The following TENM3 variants were observed in gnomAD, a reference collection of about 807,000 sequenced individuals.
TENM3 encodes the protein teneurin transmembrane protein 3.
A neutral mutation model predicts 255.1 loss-of-function variants in TENM3; 63 were observed. The observed-to-expected ratio is 0.25, with a 90% confidence interval of 0.20 to 0.30. TENM3 has a LOEUF of 0.30. Among genes scored for constraint, TENM3 ranks in the 10% least tolerant of loss-of-function variants. TENM3 has a pLI of 1.00. For missense variants in TENM3, 2,929 were observed against 3,461.1 expected (o/e 0.85, Z 3.86); for synonymous variants, 1,306 against 1,322.3 (o/e 0.99, Z 0.27).
chr4:182,267,593 A>G (rs1759323695), intron 1 of TENM3, among the ~76,000 whole-genome samples: 1 of 152,166 alleles, frequency 6.6e-6, no homozygotes, highest in South Asian at 2.1e-4. Flanking sequence ...TTGGGACTTC[A>G]AGAGAAAAGA....
chr4:182,622,157 C>G (rs1445718205), intron 4 of TENM3, among the ~76,000 whole-genome samples: 2 of 151,846 alleles, frequency 1.3e-5, no homozygotes, highest in Non-Finnish European at 2.9e-5. Context: ...GTCAGGAGTT[C>G]GAGACCAGCC....
At chr4:181,801,905 T>C in the TENM3 span, among the ~76,000 whole-genome samples, 1 of 152,022 alleles carries the variant, frequency 6.6e-6, no homozygotes, top group Non-Finnish European at 1.5e-5. Flanking sequence ...TTGAACTTTG[T>C]CCTTGTTCAT....
the TENM3 span, among the ~76,000 whole-genome samples, chr4:182,062,692 C>T: frequency 6.6e-6 from 1 of 152,182 alleles, no homozygotes; most frequent in Non-Finnish European, 1.5e-5. Flanking sequence ...GGTGTTTAGA[C>T]ACATTCTCAG....
At chr4:182,473,289 A>G (rs958483676) in intron 3 of TENM3, among the ~76,000 whole-genome samples, 3 of 152,248 alleles carry the variant, frequency 2.0e-5, no homozygotes, top group African/African-American at 7.2e-5. Flanking sequence ...AATTTCAGAA[A>G]CAAATGCTCT....
the TENM3 span, among the ~76,000 whole-genome samples, chr4:181,469,885 T>A: frequency 2.0e-5 from 3 of 152,042 alleles, no homozygotes; most frequent in African/African-American, 7.2e-5. Flanking sequence ...CCAGAGTCAT[T>A]TTATGTACAG....
At chr4:182,560,028 C>T (rs1742988563) in intron 3 of TENM3, among the ~76,000 whole-genome samples, 1 of 151,168 alleles carries the variant, frequency 6.6e-6, no homozygotes, top group Non-Finnish European at 1.5e-5. Flanking sequence ...TCATGTACCC[C>T]ACAAATATAT....
the TENM3 span, among the ~76,000 whole-genome samples, chr4:181,461,837 A>G: frequency 1.3e-5 from 2 of 152,044 alleles, no homozygotes; most frequent in African/African-American, 4.8e-5. Context: ...ATCCTCTCTC[A>G]TGTCTAAATC....
intron 1 of TENM3, among the ~76,000 whole-genome samples, chr4:182,204,753 T>C (rs938548583): frequency 6.6e-6 from 1 of 152,194 alleles, no homozygotes; most frequent in African/African-American, 2.4e-5. Context: ...TTAAATTCAT[T>C]TTCATGAAAA....
the TENM3 span, among the ~76,000 whole-genome samples, chr4:181,662,673 G>A: frequency 6.6e-6 from 1 of 152,126 alleles, no homozygotes; most frequent in Non-Finnish European, 1.5e-5. Context: ...TGAACCATAT[G>A]TGTCTCATGT....
intron 1 of TENM3, among the ~76,000 whole-genome samples, chr4:182,155,474 C>T (rs1019563924): frequency 3.9e-5 from 6 of 151,960 alleles, no homozygotes; most frequent in Non-Finnish European, 8.8e-5. Context: ...AAATTATTTT[C>T]TGTTCTTCAG....
chr4:181,903,389 G>A, the TENM3 span, among the ~76,000 whole-genome samples: 4 of 152,186 alleles, frequency 2.6e-5, no homozygotes, highest in Non-Finnish European at 5.9e-5. Flanking sequence ...TGCTCTGTAA[G>A]AGTCTGCATT....
the TENM3 span, among the ~76,000 whole-genome samples, chr4:182,026,311 A>C: frequency 6.6e-6 from 1 of 152,116 alleles, no homozygotes; most frequent in Admixed American, 6.6e-5. Context: ...TTGGATTGTT[A>C]GATTTTTTTC....
chr4:181,619,976 C>T, the TENM3 span, among the ~76,000 whole-genome samples: 1 of 152,144 alleles, frequency 6.6e-6, no homozygotes, highest in Non-Finnish European at 1.5e-5. Context: ...GTGTAACAAA[C>T]TATATTTTTT....
intron 1 of TENM3, among the ~76,000 whole-genome samples, chr4:182,317,082 C>A (rs1762791022): frequency 6.6e-6 from 1 of 152,168 alleles, no homozygotes; most frequent in Admixed American, 6.5e-5. Context: ...CTTGTTACTG[C>A]AATCTTGGCT....
At chr4:181,970,176 A>G in the TENM3 span, among the ~76,000 whole-genome samples, 3 of 152,228 alleles carry the variant, frequency 2.0e-5, no homozygotes, top group Admixed American at 2.0e-4. Flanking sequence ...TTATTGATTC[A>G]TAAAACTAAA....
rs1451337026 is a variant in TENM3, at chr4:182,470,927, T to C, written c.511+123998T>C. 3.9e-5 allele frequency among the ~76,000 whole-genome samples: 6 copies of C among 152,342 alleles called. 1 individual carries two copies. The highest frequency in any genetic ancestry group is 4.1e-4 in the South Asian group (2 of 4,832). ...TCAGGAAATTAGATTTGTTGCAATA[T>C]TTTAAGTGATTTAAATGAAGATCAG... On this transcript the variant is annotated intron_variant, in intron 3 of 27. Coordinates refer to ENST00000511685, the MANE Select transcript of TENM3 (RefSeq NM_001080477.4).
intron 6 of TENM3, among the ~76,000 whole-genome samples, chr4:182,670,555 G>A (rs1464138213): frequency 6.6e-6 from 1 of 152,152 alleles, no homozygotes; most frequent in Admixed American, 6.5e-5. Flanking sequence ...CCTCTAGCCC[G>A]CTCAGAACCT....
At chr4:182,221,637 C>A (rs1201440776) in intron 1 of TENM3, among the ~76,000 whole-genome samples, 1 of 152,060 alleles carries the variant, frequency 6.6e-6, no homozygotes, top group African/African-American at 2.4e-5. Context: ...AAATCACGAT[C>A]CTTTATGTAA....
rs1213892648 is a variant in TENM3, at chr4:182,796,723, C to T, written c.7300C>T (p.Pro2434Ser). ...FPVPKFDLTEPSYELVKSQQW... is the reference protein window; with the variant it reads ...FPVPKFDLTESSYELVKSQQW... ...TGTTCCCAAATTTGATTTAACAGAACCTTCTTACGAACTTGTGAAGAGTCA... is the reference window on the plus strand; with the variant it reads ...TGTTCCCAAATTTGATTTAACAGAATCTTCTTACGAACTTGTGAAGAGTCA... Residue 2434 changes from proline to serine, a missense_variant, in exon 27 of 28, where the codon CCT becomes TCT. Pro to Ser is a moderately conservative substitution (Grantham distance 74). This residue lies in a region of TENM3 where 476 missense variants were observed against 480.1 expected (regional missense o/e 0.99). Transcript: ENST00000511685. 2 of 1,611,974 alleles carry T rather than the reference C, an allele frequency of 1.2e-6. No individual in the cohort carries two copies. The highest frequency in any genetic ancestry group is 1.7e-6 in the Non-Finnish European group (2 of 1,178,848).
Sources: allele counts gnomAD v4.1 joint callset (sites outside exome capture counted in the v4.1 genomes callset), GRCh38; gene constraint gnomAD v4.1.1; regional missense constraint gnomAD v4.1.1; transcripts MANE v1.5; gene names NCBI Gene and HGNC (gene_info 2026-07-23, HGNC 2026-07-21).